The following SLC24A2 variants were observed in gnomAD, a reference collection of about 807,000 sequenced individuals.
The protein encoded by SLC24A2 is sodium/potassium/calcium exchanger 2.
In SLC24A2, 36 loss-of-function variants were observed where a neutral mutation model predicts 62.0. That is an observed-to-expected ratio of 0.58 (90% CI 0.44 to 0.77). The LOEUF is 0.77. Among genes scored for constraint, SLC24A2 ranks in the 30% least tolerant of loss-of-function variants. SLC24A2 has a pLI of 0.00. For synonymous variants in SLC24A2, 358 were observed against 294.0 expected, an observed-to-expected ratio of 1.22 and a Z score of -2.23; for missense variants, 846 against 817.9, an observed-to-expected ratio of 1.03 and a Z score of -0.42.
the SLC24A2 span, among the ~76,000 whole-genome samples, chr9:20,038,728 C>G: frequency 6.6e-6 from 1 of 150,872 alleles, no homozygotes; most frequent in African/African-American, 2.4e-5. Context: ...ACTAGTTTCA[C>G]AAATAATAAG....
At chr9:20,195,397 A>G in the SLC24A2 span, among the ~76,000 whole-genome samples, 1 of 152,120 alleles carries the variant, frequency 6.6e-6, no homozygotes, top group Admixed American at 6.6e-5. Context: ...GTGTGTTTTT[A>G]TTGATGTTTT....
chr9:20,021,250 G>T, the SLC24A2 span, among the ~76,000 whole-genome samples: 1 of 152,004 alleles, frequency 6.6e-6, no homozygotes, highest in East Asian at 1.9e-4. Context: ...ATGTTAGCGT[G>T]TAGTATGTGT....
At chr9:19,583,225 C>T (rs904305467) in intron 5 of SLC24A2, among the ~76,000 whole-genome samples, 1 of 152,162 alleles carries the variant, frequency 6.6e-6, no homozygotes, top group Non-Finnish European at 1.5e-5. Context: ...AAACGCTGTG[C>T]ACAATCTCAC....
At chr9:19,968,536 T>C in the SLC24A2 span, among the ~76,000 whole-genome samples, 7 of 152,340 alleles carry the variant, frequency 4.6e-5, no homozygotes, top group East Asian at 1.4e-3. Context: ...TTGTATTTCA[T>C]ACTAACTTTG....
the SLC24A2 span, among the ~76,000 whole-genome samples, chr9:20,003,798 A>C: frequency 1.3e-5 from 2 of 152,052 alleles, no homozygotes; most frequent in African/African-American, 2.4e-5. Context: ...CAGGTAGTGG[A>C]CCAGATTTGA....
At chr9:19,681,485 T>C (rs1819721311) in intron 2 of SLC24A2, among the ~76,000 whole-genome samples, 1 of 152,110 alleles carries the variant, frequency 6.6e-6, no homozygotes, top group South Asian at 2.1e-4. Flanking sequence ...GAATGTAATC[T>C]CCACAAGGGC....
At chr9:19,572,771 C>G (rs1317074594) in intron 7 of SLC24A2, among the ~76,000 whole-genome samples, 2 of 152,200 alleles carry the variant, frequency 1.3e-5, no homozygotes, top group African/African-American at 4.8e-5. Flanking sequence ...TTAGGTTTTA[C>G]AACTACTAGA....
intron 2 of SLC24A2, among the ~76,000 whole-genome samples, chr9:19,659,908 TC>T (rs1352458635): frequency 1.3e-5 from 2 of 152,176 alleles, no homozygotes; most frequent in African/African-American, 4.8e-5. Flanking sequence ...GGTGCTGACC[TC>T]TATTACCATC....
chr9:20,004,522 G>C, the SLC24A2 span, among the ~76,000 whole-genome samples: 1 of 152,184 alleles, frequency 6.6e-6, no homozygotes, highest in Non-Finnish European at 1.5e-5. Flanking sequence ...TTGTGTATGA[G>C]ACTACCTGCC....
intron 2 of SLC24A2, among the ~76,000 whole-genome samples, chr9:19,675,844 C>T (rs1024986100): frequency 6.6e-6 from 1 of 152,176 alleles, no homozygotes; most frequent in African/African-American, 2.4e-5. Context: ...TCTGCACTCC[C>T]TATTCACCCC....
Position 19,574,486 on chromosome 9 carries a change from GCTT to G in SLC24A2, c.1229-1020_1229-1018del, listed in dbSNP as rs1311660273. On this transcript the variant is annotated intron_variant, in intron 6 of 10. Coordinates refer to ENST00000341998, the MANE Select transcript of SLC24A2 (RefSeq NM_020344.4). ...AGTGACTCAACCTCTCTGAAATTCA[GCTT>G]CTTCATCTGTAAAACTGGGGTGATG... is the stretch of plus-strand genomic sequence containing the variant. 5.9e-5 allele frequency among the ~76,000 whole-genome samples: 9 copies of G among 152,226 alleles called. No individual in the cohort carries two copies. The East Asian group carries it at 1.4e-3, about 23-fold the overall frequency.
chr9:19,810,175 G>T, the SLC24A2 span, among the ~76,000 whole-genome samples: 11 of 152,248 alleles, frequency 7.2e-5, no homozygotes, highest in East Asian at 2.1e-3. Flanking sequence ...AGGGATTAGT[G>T]AGGGTAGCTG....
intron 4 of SLC24A2, among the ~76,000 whole-genome samples, chr9:19,607,475 G>A (rs1192786684): frequency 6.6e-6 from 1 of 152,012 alleles, no homozygotes; most frequent in Non-Finnish European, 1.5e-5. Flanking sequence ...CCAGCACATT[G>A]GGAGGAGGCC....
the SLC24A2 span, among the ~76,000 whole-genome samples, chr9:20,297,451 A>G: frequency 6.6e-6 from 1 of 152,136 alleles, no homozygotes. Context: ...GGAAGGTGGG[A>G]TGGGAGGAAG....
the SLC24A2 span, among the ~76,000 whole-genome samples, chr9:20,001,501 C>G: frequency 6.6e-6 from 1 of 152,186 alleles, no homozygotes; most frequent in Admixed American, 6.5e-5. Context: ...TAACTGTCCC[C>G]AAGGTGTCAA....
the SLC24A2 span, among the ~76,000 whole-genome samples, chr9:20,226,924 A>G: frequency 6.6e-6 from 1 of 152,178 alleles, no homozygotes; most frequent in African/African-American, 2.4e-5. Flanking sequence ...GGACTAAAGT[A>G]TTTGTTCTGA....
the SLC24A2 span, among the ~76,000 whole-genome samples, chr9:19,836,455 C>A: frequency 3.3e-5 from 5 of 152,210 alleles, no homozygotes; most frequent in East Asian, 9.7e-4. Flanking sequence ...AACACCTCTA[C>A]GCAAATGAAC....
At chr9:19,703,122 G>A (rs751640981) in intron 2 of SLC24A2, among the ~76,000 whole-genome samples, 15 of 151,970 alleles carry the variant, frequency 9.9e-5, no homozygotes, top group Non-Finnish European at 1.0e-4. Context: ...AGAGATACTC[G>A]CATATCTTAT....
At chr9:20,115,561 A>G in the SLC24A2 span, among the ~76,000 whole-genome samples, 3 of 152,176 alleles carry the variant, frequency 2.0e-5, no homozygotes, top group Non-Finnish European at 4.4e-5. Flanking sequence ...CAATGCCTGT[A>G]CAATGAACAG....
Sources: allele counts gnomAD v4.1 joint callset (sites outside exome capture counted in the v4.1 genomes callset), GRCh38; gene constraint gnomAD v4.1.1; transcripts MANE v1.5; gene names NCBI Gene and HGNC (gene_info 2026-07-23, HGNC 2026-07-21).